LRP5: variants seen among roughly 807,000 people sequenced by gnomAD.
LRP5 encodes low-density lipoprotein receptor-related protein 5.
Under a neutral mutation model 154.1 loss-of-function variants are expected in LRP5, and 62 were observed. That is an observed-to-expected ratio of 0.40 (90% CI 0.33 to 0.50). LRP5 has a LOEUF of 0.50. Ranked by LOEUF, LRP5 falls within the 20% of genes least tolerant of loss-of-function variation. The pLI is 0.55. For missense variants in LRP5, 1,915 were observed against 2,336.7 expected, an observed-to-expected ratio of 0.82 and a Z score of 3.72; for synonymous variants, 966 against 1,011.5, an observed-to-expected ratio of 0.96 and a Z score of 0.85.
rs151032623 is a variant in LRP5, at chr11:68,338,942, C to T, written c.92-8905C>T. On this transcript the variant is annotated intron_variant, in intron 1 of 22. Coordinates refer to ENST00000294304, the MANE Select transcript of LRP5 (RefSeq NM_002335.4). ...AGGCTGGAGTATAATGGTGCAATGT[C>T]GGCTCACTGCAACCTCCGCTTCCTG... 5.1e-3 allele frequency among the ~76,000 whole-genome samples: 606 copies of T among 118,264 alleles called. 4 individuals are homozygous for T. The highest frequency in any genetic ancestry group is 0.019 in the African/African-American group (583 of 30,864). 77.6% of individuals were successfully genotyped at this position (118,264 alleles called of 152,430 possible).
chr11:68,386,737 T>G lies in LRP5; in HGVS notation c.1412+25T>G. The G allele has an allele frequency of 3.7e-6, 6 of 1,605,880 alleles. No individual in the cohort carries two copies. Among genetic ancestry groups the G allele is most frequent in the Non-Finnish European group, 5.1e-6 (6 of 1,176,242 alleles). On this transcript the variant is annotated intron_variant, in intron 6 of 22. Transcript: ENST00000294304. The surrounding 1 kb of genome is among the most constrained non-coding windows in gnomAD (Gnocchi z 7.9). ...GGTAAGACGGGCGGGGGCTGGGGCC[T>G]GGAGCCAGGGCCAGGCCAAGCACAG...
chr11:68,359,899 G>GC (rs2153137201), intron 3 of LRP5, among the ~76,000 whole-genome samples: 1 of 151,598 alleles, frequency 6.6e-6, no homozygotes, highest in African/African-American at 2.4e-5. Context: ...CGATTCTCCT[G>GC]CCTCAGCCTC....
chr11:68,395,632 C>G (rs1234369967), intron 7 of LRP5, among the ~76,000 whole-genome samples: 1 of 152,134 alleles, frequency 6.6e-6, no homozygotes, highest in African/African-American at 2.4e-5. Flanking sequence ...ACTACCTCAT[C>G]ATGGGTCCCT....
intron 18 of LRP5, among the ~76,000 whole-genome samples, chr11:68,436,228 C>T (rs2098674812): frequency 1.3e-5 from 2 of 152,290 alleles, no homozygotes; most frequent in South Asian, 4.1e-4. Context: ...AGGACAGGGT[C>T]CCCTTATCTC....
chr11:68,375,339 C>T (rs949111215), intron 5 of LRP5, among the ~76,000 whole-genome samples: 2 of 152,204 alleles, frequency 1.3e-5, no homozygotes, highest in East Asian at 1.9e-4. Flanking sequence ...TAGAAGGCTC[C>T]GACTCCCTTC....
At chr11:68,339,655 G>A (rs907812866) in intron 1 of LRP5, among the ~76,000 whole-genome samples, 5 of 152,068 alleles carry the variant, frequency 3.3e-5, no homozygotes, top group African/African-American at 1.2e-4. Context: ...CATAATATTC[G>A]TTTTTATGCA....
intron 1 of LRP5, among the ~76,000 whole-genome samples, chr11:68,322,147 G>A (rs1783210326): frequency 6.6e-6 from 1 of 152,196 alleles, no homozygotes; most frequent in South Asian, 2.1e-4. Flanking sequence ...GTGCTGCCCT[G>A]GCCGCCTCCT....
chr11:68,351,612 G>A (rs1405073264), intron 2 of LRP5, among the ~76,000 whole-genome samples: 6 of 152,118 alleles, frequency 3.9e-5, no homozygotes, highest in Admixed American at 2.0e-4. Flanking sequence ...AGCGTGGGTC[G>A]CTGCAGCTCC....
chr11:68,311,725 G>A (rs2098587992), upstream of LRP5, among the ~76,000 whole-genome samples: 1 of 152,258 alleles, frequency 6.6e-6, no homozygotes, highest in Non-Finnish European at 1.5e-5. Context: ...CTGCAAGGTG[G>A]CCATTGCTGT....
intron 13 of LRP5, among the ~76,000 whole-genome samples, chr11:68,417,449 CTTTTTTTT>C (rs1161126346): frequency 3.6e-4 from 15 of 41,604 alleles, no homozygotes; most frequent in South Asian, 1.4e-3. Flanking sequence ...AACAGATTGG[CTTTTTTTT>C]TTTTTTTTTT....
intron 5 of LRP5, among the ~76,000 whole-genome samples, chr11:68,374,176 G>A (rs779925127): frequency 3.3e-5 from 5 of 152,210 alleles, no homozygotes; most frequent in Admixed American, 1.3e-4. Context: ...CGAGTCTGAC[G>A]GGCAGACTGA....
At chr11:68,312,958 C>T (rs1169439043) in intron 1 of LRP5, among the ~76,000 whole-genome samples, 153 bp downstream of exon 1, 1 of 147,826 alleles carries the variant, frequency 6.8e-6, no homozygotes, top group Non-Finnish European at 1.5e-5. Flanking sequence ...CCCCTGCCGT[C>T]CCCGGCGTCC....
At chr11:68,421,724 GGTGTGTGTGTGGT>G (rs2098665813) in intron 13 of LRP5, among the ~76,000 whole-genome samples, 1 of 115,334 alleles carries the variant, frequency 8.7e-6, no homozygotes, top group Non-Finnish European at 2.0e-5. Flanking sequence ...GTGTGTGTGT[GGTGTGTGTGTGGT>G]GTGTGTGTGT....
Position 68,348,214 on chromosome 11 carries a change from G to T in LRP5, c.459G>T (p.Pro153=), listed in dbSNP as rs78844574. The T allele has an allele frequency of 6.2e-7, 1 of 1,609,144 alleles. No individual in the cohort carries two copies. The change falls in exon 2 of 23, where the codon CCG becomes CCT. Residue 153 remains proline (P), a synonymous_variant. Transcript: ENST00000294304. ...TCTTCTGGCAGGACCTTGACCAGCC[G>T]AGGGCCATCGCCTTGGACCCCGCTC... ...KVLFWQDLDQ[P]RAIALDPAHG... is the part of the protein sequence containing the mutation.
chr11:68,322,903 G>GT (rs2098597518), intron 1 of LRP5, among the ~76,000 whole-genome samples: 1 of 152,236 alleles, frequency 6.6e-6, no homozygotes, highest in Non-Finnish European at 1.5e-5. Context: ...AAAGGGACTT[G>GT]ACTGTGAAGT....
intron 4 of LRP5, among the ~76,000 whole-genome samples, 176 bp from the exon 5 acceptor site, chr11:68,365,395 G>T (rs964927775): frequency 2.0e-5 from 3 of 151,764 alleles, no homozygotes; most frequent in African/African-American, 7.3e-5. Flanking sequence ...ACGGGCCAGC[G>T]ATGAGGCAGG....
At position 68,423,718 on chromosome 11, in the gene LRP5, TG is replaced by T. The variant is rs573742377; in HGVS notation, c.3236+26del. The T allele has an allele frequency of 8.9e-5, 142 of 1,592,428 alleles. 1 individual carries two copies. The African/African-American group carries it at 1.8e-3, about 20-fold the overall frequency. ...CGAGGGTAGGAGGCCAACGGGTGGG[TG>T]GGGGTGCTGCCCGTCCAGGCGTGCC... On this transcript the variant is annotated intron_variant, in intron 14 of 22. Coordinates refer to ENST00000294304, the MANE Select transcript of LRP5 (RefSeq NM_002335.4). The surrounding 1 kb of genome is among the most constrained non-coding windows in gnomAD (Gnocchi z 4.7).
At chr11:68,414,033 C>T (rs915640163) in intron 12 of LRP5, 21 bp downstream of exon 12, 7 of 1,596,126 alleles carry the variant, frequency 4.4e-6, no homozygotes, top group South Asian at 2.2e-5. Flanking sequence ...CATGGTCCCC[C>T]GCACCTCACT....
chr11:68,383,032 C>A (rs1021305083), intron 5 of LRP5, among the ~76,000 whole-genome samples: 4 of 152,076 alleles, frequency 2.6e-5, no homozygotes, highest in Admixed American at 2.6e-4. Context: ...AGTGCGCCAC[C>A]AGGCCTGGCA....
Sources: allele counts gnomAD v4.1 joint callset (sites outside exome capture counted in the v4.1 genomes callset), GRCh38; gene constraint gnomAD v4.1.1; non-coding constraint Gnocchi (gnomAD v3.1); transcripts MANE v1.5; gene names NCBI Gene and HGNC (gene_info 2026-07-23, HGNC 2026-07-21).